ASPH: variants seen among roughly 807,000 people sequenced by gnomAD.
The protein encoded by ASPH is aspartyl/asparaginyl beta-hydroxylase.
A neutral mutation model predicts 118.4 loss-of-function variants in ASPH; 100 were observed. The ratio of observed to expected loss-of-function variants is 0.84; its 90% CI spans 0.72 to 1.00. The LOEUF (loss-of-function observed/expected upper bound fraction) is 1.00, where lower values mean the gene tolerates loss of function less well. ASPH is among the 50% of genes least tolerant of loss of function. The pLI is 0.00. For synonymous variants in ASPH, 315 were observed against 325.6 expected (o/e 0.97, Z 0.35); for missense variants, 920 against 919.5 (o/e 1.00, Z -0.01).
At chr8:61,600,692 G>A (rs1843726184) in intron 14 of ASPH, among the ~76,000 whole-genome samples, 1 of 151,226 alleles carries the variant, frequency 6.6e-6, no homozygotes, top group African/African-American at 2.5e-5. Flanking sequence ...TTGGAACAAA[G>A]AAGAAATATG....
intron 14 of ASPH, among the ~76,000 whole-genome samples, chr8:61,614,947 T>C (rs1848559194): frequency 1.3e-5 from 2 of 152,164 alleles, no homozygotes; most frequent in African/African-American, 2.4e-5. Flanking sequence ...ACCACTGCAA[T>C]AGTCTCCTAA....
At chr8:61,628,521 C>T (rs1290944890) in intron 13 of ASPH, among the ~76,000 whole-genome samples, 2 of 151,988 alleles carry the variant, frequency 1.3e-5, no homozygotes, top group African/African-American at 4.8e-5. Flanking sequence ...AGACACTTGC[C>T]TACATTTCCC....
Position 61,683,981 on chromosome 8 carries a change from T to C in ASPH, c.253+58A>G, listed in dbSNP as rs1447732769. On this transcript the variant is annotated intron_variant, in intron 2 of 24. Transcript: ENST00000379454. ...AAAGATGATAACAAATATTCAAGAC[T>C]CCTAAGAGATGTCACTTACTCTCTT... 5.1e-6 allele frequency: 8 copies of C among 1,570,240 alleles called. No homozygotes were observed. In the African/African-American group the frequency reaches 1.1e-4, roughly 21 times the overall value.
intron 18 of ASPH, among the ~76,000 whole-genome samples, chr8:61,559,046 T>A (rs1167820080): frequency 1.3e-5 from 2 of 152,186 alleles, no homozygotes; most frequent in African/African-American, 2.4e-5. Context: ...TCTAATTTTT[T>A]AATTTTTGTA....
rs888175913 is a variant in ASPH, at chr8:61,664,442, C to T, written c.323-10782G>A. 8 of 982,880 alleles carry T rather than the reference C, an allele frequency of 8.1e-6. No individual in the cohort carries two copies. The Admixed American group carries it at 3.7e-4, about 45-fold the overall frequency. The allele number at this position is 982,880 out of a possible 1,614,324, so 60.9% of individuals were successfully genotyped here. On this transcript the variant is annotated intron_variant, in intron 3 of 24. Transcript: ENST00000379454. ...TAAATAAAAGTGTTCTGAAACTGTT[C>T]TTCTAAATACAATTCTCCCCTTTAT...
intron 15 of ASPH, among the ~76,000 whole-genome samples, chr8:61,577,652 C>T (rs949897804): frequency 3.9e-5 from 6 of 152,022 alleles, no homozygotes; most frequent in Non-Finnish European, 8.8e-5. Context: ...TGGCAGAAGG[C>T]AAAGAGGAAT....
chr8:61,653,394 C>T (rs371026495), intron 4 of ASPH, among the ~76,000 whole-genome samples, 174 bp downstream of exon 4: 21 of 152,316 alleles, frequency 1.4e-4, no homozygotes, highest in African/African-American at 4.8e-4. Context: ...TTAAAATTAT[C>T]CTGTTCCAAT....
chr8:61,708,812 G>A (rs2151917613), intron 1 of ASPH, among the ~76,000 whole-genome samples: 1 of 152,230 alleles, frequency 6.6e-6, no homozygotes, highest in South Asian at 2.1e-4. Context: ...ATTTCTCCAA[G>A]TACAGAGATA....
chr8:61,634,612 G>A (rs1856956495), intron 12 of ASPH, among the ~76,000 whole-genome samples: 1 of 152,142 alleles, frequency 6.6e-6, no homozygotes. Context: ...ACCACTGTTA[G>A]TATCTGGCAA....
chr8:61,520,359 G>A (rs148510655), intron 22 of ASPH, among the ~76,000 whole-genome samples: 1 of 152,202 alleles, frequency 6.6e-6, no homozygotes, highest in African/African-American at 2.4e-5. Flanking sequence ...TCCTAAAAGA[G>A]ACTGCTACAT....
rs1487822455 is a variant in ASPH, at chr8:61,500,591, C to CTT, written c.*2766_*2767dup. ...AAGGTCATTTTATTTACCTAGTCTC[C>CTT]TTAGAAATGGAGTCCCCAACTACTC... is the stretch of plus-strand genomic sequence containing the variant. On this transcript the variant is annotated 3_prime_UTR_variant, in exon 25 of 25. Coordinates refer to ENST00000379454, the MANE Select transcript of ASPH (RefSeq NM_004318.4). 1.3e-5 allele frequency: 2 copies of CTT among 152,112 alleles called. No homozygotes were observed. Among genetic ancestry groups the CTT allele is most frequent in the African/African-American group, 4.8e-5 (2 of 41,394 alleles). 9.4% of individuals were successfully genotyped at this position (152,112 alleles called of 1,614,324 possible).
At chr8:61,556,697 T>C (rs1331580474) in intron 18 of ASPH, among the ~76,000 whole-genome samples, 2 of 152,214 alleles carry the variant, frequency 1.3e-5, no homozygotes, top group African/African-American at 2.4e-5. Flanking sequence ...ATATTAATAG[T>C]GAGAAACCAG....
intron 16 of ASPH, among the ~76,000 whole-genome samples, chr8:61,567,671 G>A (rs1024169065): frequency 7.2e-5 from 11 of 152,122 alleles, no homozygotes; most frequent in South Asian, 2.1e-4. Flanking sequence ...GTATGCATTC[G>A]TTCATTTAAC....
chr8:61,541,329 A>C (rs1441467689), intron 21 of ASPH, among the ~76,000 whole-genome samples: 2 of 152,184 alleles, frequency 1.3e-5, no homozygotes, highest in Non-Finnish European at 2.9e-5. Context: ...GCGCCACTGC[A>C]CTCCAGCCTG....
chr8:61,625,220 C>T, intron 13 of ASPH: 2 of 985,670 alleles, frequency 2.0e-6, no homozygotes, highest in South Asian at 4.7e-5. Context: ...CCAAAATAAA[C>T]CACATTAAAT....
At chr8:61,600,505 A>T (rs755271350) in intron 14 of ASPH, among the ~76,000 whole-genome samples, 1 of 151,438 alleles carries the variant, frequency 6.6e-6, no homozygotes, top group Admixed American at 6.6e-5. Flanking sequence ...GAAAACTTTT[A>T]GACTTGATAA....
intron 24 of ASPH, chr8:61,517,063 T>C (rs1169974435): frequency 6.5e-6 from 1 of 153,884 alleles, no homozygotes; most frequent in Non-Finnish European, 1.4e-5. Flanking sequence ...GAGCTGGGAT[T>C]TGAAAAAGGC....
At chr8:61,577,421 A>AAAAAAAG (rs1197809235) in intron 15 of ASPH, among the ~76,000 whole-genome samples, 10 of 148,260 alleles carry the variant, frequency 6.7e-5, no homozygotes, top group African/African-American at 2.5e-4. Context: ...AAAAAAAAAA[A>AAAAAAAG]AAGACAAGAC....
At chr8:61,526,256 G>A (rs1815280761) in intron 21 of ASPH, 144 bp from the exon 22 acceptor site, 1 of 1,161,856 alleles carries the variant, frequency 8.6e-7, no homozygotes, top group African/African-American at 1.6e-5. Context: ...ATTTCCTCTG[G>A]GACTTCTTGT....
Sources: allele counts gnomAD v4.1 joint callset (sites outside exome capture counted in the v4.1 genomes callset), GRCh38; gene constraint gnomAD v4.1.1; transcripts MANE v1.5; gene names NCBI Gene and HGNC (gene_info 2026-07-23, HGNC 2026-07-21).